THSD7B: variants seen among roughly 807,000 people sequenced by gnomAD.
THSD7B encodes the protein thrombospondin type 1 domain containing 7B, also known as thrombospondin type-1 domain-containing protein 7B.
A neutral mutation model predicts 213.6 loss-of-function variants in THSD7B; 138 were observed. The observed-to-expected ratio is 0.65, with a 90% CI of 0.56 to 0.74. The LOEUF (loss-of-function observed/expected upper bound fraction) is 0.74, where lower values mean the gene tolerates loss of function less well. Ranked by LOEUF, THSD7B falls within the 30% of genes least tolerant of loss-of-function variation. The pLI is 0.00. For synonymous variants in THSD7B, 742 were observed against 687.0 expected, an observed-to-expected ratio of 1.08 and a Z score of -1.25; for missense variants, 1,931 against 1,991.5, an observed-to-expected ratio of 0.97 and a Z score of 0.58.
chr2:137,655,493 T>C lies in THSD7B; in HGVS notation c.3946-8T>C. The C allele has an allele frequency of 1.2e-6, 2 of 1,603,820 alleles. No individual in the cohort carries two copies. The highest frequency in any genetic ancestry group is 1.7e-6 in the Non-Finnish European group (2 of 1,174,630). ...GGGTAATTGTGAAAGTATCCTTTCCTCTCATAGGGTGGAGACTGTGGGGAA... is the reference window on the plus strand; with the variant it reads ...GGGTAATTGTGAAAGTATCCTTTCCCCTCATAGGGTGGAGACTGTGGGGAA... On this transcript the variant is annotated splice_polypyrimidine_tract_variant and splice_region_variant and intron_variant, in intron 21 of 27. Transcript: ENST00000409968.
chr2:137,077,510 T>A (rs1447339210), intron 3 of THSD7B, among the ~76,000 whole-genome samples: 1 of 152,128 alleles, frequency 6.6e-6, no homozygotes. Context: ...TTTTTAATGA[T>A]CACCATTCTA....
chr2:136,890,389 C>CT (rs1558840024), intron 2 of THSD7B, among the ~76,000 whole-genome samples: 4 of 544 alleles, frequency 7.4e-3, no homozygotes, highest in South Asian at 0.17. Flanking sequence ...CTTCCTCTTC[C>CT]TCTTCCTCTT....
At chr2:137,486,208 A>G (rs1688439494) in intron 15 of THSD7B, among the ~76,000 whole-genome samples, 1 of 152,168 alleles carries the variant, frequency 6.6e-6, no homozygotes, top group Admixed American at 6.5e-5. Context: ...GGCAAATTGG[A>G]TAAAGTGTCA....
At chr2:137,555,984 G>A (rs190478280) in intron 15 of THSD7B, among the ~76,000 whole-genome samples, 1 of 152,186 alleles carries the variant, frequency 6.6e-6, no homozygotes, top group East Asian at 1.9e-4. Context: ...GAGAAGAGAA[G>A]TTTAGAGAAA....
intron 5 of THSD7B, among the ~76,000 whole-genome samples, chr2:137,118,390 A>T (rs77356109): frequency 0.03 from 4,508 of 152,266 alleles, 221 homozygotes; most frequent in African/African-American, 0.1. Context: ...CATGTATGGG[A>T]ATGTGGCCTA....
intron 3 of THSD7B, among the ~76,000 whole-genome samples, chr2:137,081,504 A>G (rs1161497749): frequency 6.6e-6 from 1 of 151,452 alleles, no homozygotes; most frequent in Non-Finnish European, 1.5e-5. Flanking sequence ...AATTTTGAAA[A>G]TTTTTTTGCT....
intron 2 of THSD7B, among the ~76,000 whole-genome samples, chr2:137,016,912 G>A (rs150817720): frequency 1.3e-5 from 2 of 152,046 alleles, no homozygotes; most frequent in African/African-American, 2.4e-5. Context: ...AAATCCTTGG[G>A]GTCAGATGCT....
chr2:137,248,202 A>G (rs1340701044), intron 10 of THSD7B, among the ~76,000 whole-genome samples: 3 of 152,174 alleles, frequency 2.0e-5, no homozygotes, highest in Non-Finnish European at 4.4e-5. Flanking sequence ...GATAATGATG[A>G]TGATAAAAGT....
intron 2 of THSD7B, among the ~76,000 whole-genome samples, chr2:136,964,874 G>A (rs796395231): frequency 8.5e-5 from 13 of 152,096 alleles, no homozygotes; most frequent in African/African-American, 2.4e-4. Context: ...GGTGGCACAC[G>A]CCTGTAGTTC....
chr2:137,341,569 C>T (rs1474407021), intron 12 of THSD7B, among the ~76,000 whole-genome samples: 3 of 151,344 alleles, frequency 2.0e-5, no homozygotes, highest in Non-Finnish European at 4.4e-5. Flanking sequence ...TATTTTTCCC[C>T]TACATTTTCT....
intron 22 of THSD7B, 73 bp downstream of exon 22, chr2:137,655,733 G>GC: frequency 6.7e-7 from 1 of 1,482,446 alleles, no homozygotes; most frequent in Non-Finnish European, 9.1e-7. Context: ...TTTTCCTAGA[G>GC]ATGCTCTAGC....
chr2:137,258,569 A>G (rs1369465761), intron 10 of THSD7B, among the ~76,000 whole-genome samples: 1 of 152,044 alleles, frequency 6.6e-6, no homozygotes, highest in Non-Finnish European at 1.5e-5. Flanking sequence ...TTTGAAATTT[A>G]AAATTGCAAA....
intron 5 of THSD7B, among the ~76,000 whole-genome samples, chr2:137,124,946 A>G (rs1688607058): frequency 6.6e-6 from 1 of 152,176 alleles, no homozygotes; most frequent in African/African-American, 2.4e-5. Flanking sequence ...CACAAAAAAA[A>G]TCTTTTGAAC....
chr2:136,965,605 C>T (rs1157506337), intron 2 of THSD7B, among the ~76,000 whole-genome samples: 1 of 152,122 alleles, frequency 6.6e-6, no homozygotes, highest in Non-Finnish European at 1.5e-5. Flanking sequence ...TTGTCAATGG[C>T]ATTTCTAAGG....
chr2:136,802,862 A>C (rs1269552368), intron 1 of THSD7B, among the ~76,000 whole-genome samples: 1 of 151,526 alleles, frequency 6.6e-6, no homozygotes, highest in Non-Finnish European at 1.5e-5. Context: ...TAACCAAATG[A>C]ATTATTAACA....
intron 12 of THSD7B, among the ~76,000 whole-genome samples, chr2:137,343,627 A>C (rs968433024): frequency 6.6e-6 from 1 of 151,672 alleles, no homozygotes; most frequent in African/African-American, 2.4e-5. Flanking sequence ...AGATACTGCC[A>C]CTCAGTCATT....
At chr2:136,907,734 T>C (rs1414032755) in intron 2 of THSD7B, among the ~76,000 whole-genome samples, 1 of 152,206 alleles carries the variant, frequency 6.6e-6, no homozygotes, top group Admixed American at 6.5e-5. Context: ...AAGTAATAAT[T>C]ATGGTCTCAG....
intron 12 of THSD7B, among the ~76,000 whole-genome samples, chr2:137,364,657 A>G (rs1425325794): frequency 6.6e-6 from 1 of 152,204 alleles, no homozygotes; most frequent in East Asian, 1.9e-4. Context: ...GAAAGAGAAT[A>G]AAATCCCTAG....
intron 1 of THSD7B, among the ~76,000 whole-genome samples, chr2:136,853,949 A>T (rs189162595): frequency 6.6e-6 from 1 of 152,178 alleles, no homozygotes; most frequent in East Asian, 1.9e-4. Flanking sequence ...CTTCAAGCTG[A>T]TTTGTGTTCT....
Sources: allele counts gnomAD v4.1 joint callset (sites outside exome capture counted in the v4.1 genomes callset), GRCh38; gene constraint gnomAD v4.1.1; transcripts MANE v1.5; gene names NCBI Gene and HGNC (gene_info 2026-07-23, HGNC 2026-07-21).